IGSF3: variants seen among roughly 807,000 people sequenced by gnomAD.
IGSF3 encodes the protein glu-Trp-Ile EWI motif-containing protein 3.
Under a neutral mutation model 114.4 loss-of-function variants are expected in IGSF3, and 23 were observed. The ratio of observed to expected loss-of-function variants is 0.20; its 90% CI spans 0.14 to 0.28. The LOEUF is 0.28. Ranked by LOEUF, IGSF3 falls within the 10% of genes least tolerant of loss-of-function variation. IGSF3 has a pLI of 1.00. For missense variants in IGSF3, 1,172 were observed against 1,591.5 expected (o/e 0.74, Z 4.48); for synonymous variants, 571 against 645.2 (o/e 0.88, Z 1.74).
rs1273429505 is a variant in IGSF3 at position 116,593,638 on chromosome 1, A to G, written c.2030-4534T>C. ...TGCTCTCTCCACATGACCATTCCCT[A>G]TTTGGGCCCTCAATGATCTCTTTCT... On this transcript the variant is annotated intron_variant, in intron 7 of 10. Transcript: ENST00000369486. The surrounding 1 kb of genome is among the most constrained non-coding windows in gnomAD (Gnocchi z 4.5). 2.0e-5 allele frequency among the ~76,000 whole-genome samples: 3 copies of G among 152,060 alleles called. No homozygotes were observed. Among genetic ancestry groups the G allele is most frequent in the African/African-American group, 7.2e-5 (3 of 41,388 alleles).
chr1:116,617,253 G>A (rs1408040738), intron 2 of IGSF3: 6 of 958,364 alleles, frequency 6.3e-6, no homozygotes, highest in Middle Eastern at 5.3e-4. Flanking sequence ...CTCAGATACT[G>A]TTCTCCAAGG....
At chr1:116,611,822 T>C (rs1661034374) in intron 4 of IGSF3, among the ~76,000 whole-genome samples, 1 of 151,980 alleles carries the variant, frequency 6.6e-6, no homozygotes, top group Admixed American at 6.6e-5. Flanking sequence ...CTTAGCACAT[T>C]TTACTTGTCC....
chr1:116,666,848 T>C lies in IGSF3; in HGVS notation c.-522A>G. 2 of 407,638 alleles carry C rather than the reference T, an allele frequency of 4.9e-6. No individual in the cohort carries two copies. The highest frequency in any genetic ancestry group is 8.6e-6 in the Non-Finnish European group (2 of 231,310). 25.3% of individuals were successfully genotyped at this position (407,638 alleles called of 1,614,324 possible). On this transcript the variant is annotated 5_prime_UTR_variant, in exon 2 of 11. An upstream start codon of the reference 5' UTR is lost. Coordinates refer to ENST00000369486, the MANE Select transcript of IGSF3 (RefSeq NM_001007237.3). The stretch of plus-strand genomic sequence containing the variant: ...TTCTTCACCAAAAAGTCCGTTTCCA[T>C]CCATGGTGGTAGGTCACGGAGGCGC...
At chr1:116,621,267 G>A (rs1022834366) in intron 2 of IGSF3, among the ~76,000 whole-genome samples, 2 of 152,102 alleles carry the variant, frequency 1.3e-5, no homozygotes, top group Non-Finnish European at 2.9e-5. Flanking sequence ...ACAGCCTGTG[G>A]AACTGTGAGA....
rs1659531065 is a variant in IGSF3 at position 116,579,953 on chromosome 1, T to C, written c.2849-76A>G. The C allele has an allele frequency of 6.3e-6, 8 of 1,263,886 alleles. No individual in the cohort carries two copies. In the Admixed American group the frequency reaches 1.9e-4, roughly 31 times the overall value. The allele number at this position is 1,263,886 out of a possible 1,614,324, so 78.3% of individuals were successfully genotyped here. A position where few individuals can be genotyped will look rare whatever the true frequency, so the allele number is the denominator to read the frequency against. On this transcript the variant is annotated intron_variant, in intron 9 of 10. Transcript: ENST00000369486. This position sits in a 1 kb window ranked among gnomAD's most constrained non-coding sequence, Gnocchi z 6.4. The stretch of plus-strand genomic sequence containing the variant: ...CTCAAAATAAACTAAATGTCCATCA[T>C]TAAACACATGATAGTAACATCCATA...
At position 116,646,355 on chromosome 1, in the gene IGSF3, A is replaced by T. The variant is rs79739997; in HGVS notation, c.43+19929T>A. ...AGATGGAGAATTGGGGGGGGTCCAC[A>T]CAAAGAGGATGGATTCAGAAGACTT... On this transcript the variant is annotated intron_variant, in intron 2 of 10. Transcript: ENST00000369486. Among the ~76,000 whole-genome samples, 43 of 152,266 alleles carry T rather than the reference A, an allele frequency of 2.8e-4. 2 individuals carry two copies. The East Asian group carries it at 7.1e-3, about 25-fold the overall frequency.
intron 2 of IGSF3, among the ~76,000 whole-genome samples, chr1:116,620,540 C>T (rs1206809330): frequency 6.6e-6 from 1 of 152,152 alleles, no homozygotes; most frequent in Non-Finnish European, 1.5e-5. Context: ...ATAGGAAATG[C>T]ACAAATGGTG....
rs976617902 is a variant in IGSF3 at position 116,615,547 on chromosome 1, T to C, written c.421+533A>G. Among the ~76,000 whole-genome samples, 3 of 152,194 alleles carry C rather than the reference T, an allele frequency of 2.0e-5. No homozygotes were observed. The highest frequency in any genetic ancestry group is 7.2e-5 in the African/African-American group (3 of 41,454). On this transcript the variant is annotated intron_variant, in intron 3 of 10. Coordinates refer to ENST00000369486, the MANE Select transcript of IGSF3 (RefSeq NM_001007237.3). This position sits in a 1 kb window ranked among gnomAD's most constrained non-coding sequence, Gnocchi z 4.3. ...GAAGCTCCTGCATCCCTCTTCCTCA[T>C]GTTTCCTTCAGCATTAAGGAGCAAC... is the stretch of plus-strand genomic sequence containing the variant.
intron 6 of IGSF3, among the ~76,000 whole-genome samples, chr1:116,602,425 T>C (rs769820540): frequency 2.0e-5 from 3 of 151,176 alleles, no homozygotes; most frequent in Non-Finnish European, 4.4e-5. Flanking sequence ...TCCATCTCAC[T>C]GGGTTCACAC....
At position 116,588,993 on chromosome 1, in the gene IGSF3, G is replaced by A. The variant is rs1367332633; in HGVS notation, c.2141C>T (p.Ala714Val). The A allele has an allele frequency of 1.9e-6, 3 of 1,614,186 alleles. No individual in the cohort carries two copies. Among genetic ancestry groups the A allele is most frequent in the Non-Finnish European group, 2.5e-6 (3 of 1,179,990 alleles). ...KSQTSQNSHFAVLWYVHKPSD... is the reference protein window; with the variant it reads ...KSQTSQNSHFVVLWYVHKPSD... Reference sequence around the variant, plus strand: ...GGGCTTGTGGACATACCAGAGCACCGCAAAGTGGGAGTTCTGGCTAGTCTG... The same window carrying A: ...GGGCTTGTGGACATACCAGAGCACCACAAAGTGGGAGTTCTGGCTAGTCTG... The change falls in exon 8 of 11, where the codon GCG (alanine) becomes GTG (valine). Residue 714 changes from alanine (A) to valine (V), a missense_variant. Physicochemically the swap from Ala to Val is moderately conservative, Grantham distance 64. Coordinates refer to ENST00000369486, the MANE Select transcript of IGSF3 (RefSeq NM_001007237.3). This position sits in a 1 kb window ranked among gnomAD's most constrained non-coding sequence, Gnocchi z 4.9.
intron 8 of IGSF3, among the ~76,000 whole-genome samples, chr1:116,586,361 T>C (rs950971274): frequency 2.6e-5 from 4 of 152,204 alleles, no homozygotes; most frequent in African/African-American, 9.7e-5. Flanking sequence ...ATTTTCTTTG[T>C]TGAGTTTTGT....
chr1:116,587,421 C>G (rs868288307), intron 8 of IGSF3, among the ~76,000 whole-genome samples: 9 of 152,064 alleles, frequency 5.9e-5, no homozygotes, highest in South Asian at 2.1e-4. Context: ...CTAGGAATCC[C>G]CCTTCACGGA....
At chr1:116,622,881 G>A (rs540337102) in intron 2 of IGSF3, among the ~76,000 whole-genome samples, 1 of 152,356 alleles carries the variant, frequency 6.6e-6, no homozygotes, top group Admixed American at 6.5e-5. Context: ...AAGTAATAAA[G>A]CACTGACTGG....
rs1317407283 is a variant in IGSF3, at chr1:116,650,387, T to C, written c.43+15897A>G. Among the ~76,000 whole-genome samples, 1 of 152,240 alleles carries C rather than the reference T, an allele frequency of 6.6e-6. No individual in the cohort carries two copies. The highest frequency in any genetic ancestry group is 1.5e-5 in the Non-Finnish European group (1 of 68,042). ...AGTGAAAGAAGCTGTCCCTTCTGCA[T>C]TTCCTTTTACAATGAAAAACATCTT... is the stretch of plus-strand genomic sequence containing the variant. On this transcript the variant is annotated intron_variant, in intron 2 of 10. Coordinates refer to ENST00000369486, the MANE Select transcript of IGSF3 (RefSeq NM_001007237.3). This position sits in a 1 kb window ranked among gnomAD's most constrained non-coding sequence, Gnocchi z 5.0.
Position 116,651,589 on chromosome 1 carries a change from A to G in IGSF3, c.43+14695T>C, listed in dbSNP as rs1571192424. On this transcript the variant is annotated intron_variant, in intron 2 of 10. Transcript: ENST00000369486. This position sits in a 1 kb window ranked among gnomAD's most constrained non-coding sequence, Gnocchi z 4.4. ...GCCTACCATAGGATCGTTGATTACA[A>G]CATGCATTCAACATTCAATACATAT... is the stretch of plus-strand genomic sequence containing the variant. Among the ~76,000 whole-genome samples, 2 of 152,346 alleles carry G rather than the reference A, an allele frequency of 1.3e-5. No individual in the cohort carries two copies. Among genetic ancestry groups the G allele is most frequent in the East Asian group, 3.9e-4 (2 of 5,190 alleles).
intron 8 of IGSF3, among the ~76,000 whole-genome samples, chr1:116,586,096 T>C (rs927121149): frequency 1.3e-5 from 2 of 152,098 alleles, no homozygotes; most frequent in African/African-American, 2.4e-5. Flanking sequence ...GAATGCACAA[T>C]AGCACCTCAG....
At chr1:116,663,963 A>C (rs1439294439) in intron 2 of IGSF3, among the ~76,000 whole-genome samples, 1 of 152,224 alleles carries the variant, frequency 6.6e-6, no homozygotes, top group East Asian at 1.9e-4. Context: ...TTATGCAGCA[A>C]GAATGCTGAC....
chr1:116,579,660 G>A lies in IGSF3; in HGVS notation c.3066C>T (p.Asp1022=), dbSNP rs867034512. The A allele has an allele frequency of 1.1e-5, 18 of 1,596,082 alleles. No homozygotes were observed. The African/African-American group carries it at 1.2e-4, about 11-fold the overall frequency. The change falls in exon 10 of 11, where the codon GAC becomes GAT. Residue 1022 remains aspartate (D), a synonymous_variant. Coordinates refer to ENST00000369486, the MANE Select transcript of IGSF3 (RefSeq NM_001007237.3). The surrounding 1 kb of genome is among the most constrained non-coding windows in gnomAD (Gnocchi z 6.4). The part of the protein sequence containing the change: ...EREEEEEEDD[D]DDDDPTERTA... ...TCCGCTCTGTTGGGTCGTCGTCGTC[G>A]TCGTCGTCCTCCTCCTCCTCCTCCT...
chr1:116,590,479 G>A (rs528267297), intron 7 of IGSF3, among the ~76,000 whole-genome samples: 1 of 152,124 alleles, frequency 6.6e-6, no homozygotes, highest in Admixed American at 6.5e-5. Flanking sequence ...CCGCCACAGG[G>A]ACCAAACCAC....
Sources: allele counts gnomAD v4.1 joint callset (sites outside exome capture counted in the v4.1 genomes callset), GRCh38; gene constraint gnomAD v4.1.1; non-coding constraint Gnocchi (gnomAD v3.1); transcripts MANE v1.5; gene names NCBI Gene and HGNC (gene_info 2026-07-23, HGNC 2026-07-21).